Variants in RBFOX1 observed in about 807,000 individuals in gnomAD.
RBFOX1 encodes the protein RNA binding protein fox-1 homolog 1.
In RBFOX1, 8 loss-of-function variants were observed where a neutral mutation model predicts 57.7. The observed-to-expected ratio is 0.14, with a 90% CI of 0.08 to 0.25. The LOEUF (loss-of-function observed/expected upper bound fraction) is 0.25, where lower values mean the gene tolerates loss of function less well. RBFOX1 is among the 10% of genes least tolerant of loss of function. RBFOX1 has a pLI of 1.00. For synonymous variants in RBFOX1, 326 were observed against 222.4 expected (o/e 1.47, Z -4.15); for missense variants, 611 against 548.5 (o/e 1.11, Z -1.14).
chr16:7,636,275 A>G (rs1295401861), intron 11 of RBFOX1, among the ~76,000 whole-genome samples: 2 of 152,208 alleles, frequency 1.3e-5, no homozygotes, highest in Admixed American at 1.3e-4. Flanking sequence ...CTATTTTGCA[A>G]ATTGCATAGT....
chr16:6,500,089 TA>T (rs935679616), intron 2 of RBFOX1, among the ~76,000 whole-genome samples: 1 of 152,174 alleles, frequency 6.6e-6, no homozygotes, highest in Non-Finnish European at 1.5e-5. Flanking sequence ...TTCCTTTGGT[TA>T]AAAAACAAGT....
At chr16:6,875,490 T>G (rs2061675252) in intron 3 of RBFOX1, among the ~76,000 whole-genome samples, 1 of 152,164 alleles carries the variant, frequency 6.6e-6, no homozygotes, top group Non-Finnish European at 1.5e-5. Context: ...GAATCACCCT[T>G]AAGTGCAGTA....
intron 3 of RBFOX1, among the ~76,000 whole-genome samples, chr16:5,788,892 G>A (rs961824750): frequency 6.6e-6 from 1 of 152,104 alleles, no homozygotes; most frequent in African/African-American, 2.4e-5. Flanking sequence ...CCCCCATCCT[G>A]TTGCACCCCA....
chr16:5,887,401 A>ATTTG (rs1371677264), intron 4 of RBFOX1, among the ~76,000 whole-genome samples: 1 of 151,826 alleles, frequency 6.6e-6, no homozygotes, highest in Non-Finnish European at 1.5e-5. Flanking sequence ...CTCCTGTGTT[A>ATTTG]TTTGTTTGTT....
At chr16:5,240,313 T>A (rs577818205) in intron 1 of RBFOX1, among the ~76,000 whole-genome samples, 1 of 151,342 alleles carries the variant, frequency 6.6e-6, no homozygotes, top group East Asian at 2.0e-4. Context: ...ACTTCCTGAT[T>A]CTCCCACGAC....
At chr16:7,593,352 A>T (rs929079214) in intron 7 of RBFOX1, among the ~76,000 whole-genome samples, 1 of 152,174 alleles carries the variant, frequency 6.6e-6, no homozygotes, top group Non-Finnish European at 1.5e-5. Flanking sequence ...AAATAGAGCA[A>T]AATCCCCCTA....
intron 3 of RBFOX1, among the ~76,000 whole-genome samples, chr16:5,747,660 T>C (rs1453332860): frequency 6.6e-6 from 1 of 152,168 alleles, no homozygotes; most frequent in Non-Finnish European, 1.5e-5. Context: ...TTCTAGTTTT[T>C]TTGCGTAGAG....
intron 3 of RBFOX1, among the ~76,000 whole-genome samples, chr16:6,797,358 A>G (rs1282777571): frequency 6.6e-6 from 1 of 152,164 alleles, no homozygotes; most frequent in African/African-American, 2.4e-5. Context: ...ATTATGAAGC[A>G]GAGAGTGGAG....
chr16:6,892,966 A>G (rs2065883718), intron 3 of RBFOX1, among the ~76,000 whole-genome samples: 1 of 152,024 alleles, frequency 6.6e-6, no homozygotes, highest in Non-Finnish European at 1.5e-5. Context: ...TTTTGCCTTG[A>G]TCTAGTTTTA....
At chr16:6,374,701 T>C (rs1312247388) in intron 2 of RBFOX1, among the ~76,000 whole-genome samples, 1 of 152,220 alleles carries the variant, frequency 6.6e-6, no homozygotes, top group African/African-American at 2.4e-5. Flanking sequence ...CATTCAGCTA[T>C]AAGAACGAAG....
chr16:6,391,278 G>C (rs942470705), intron 2 of RBFOX1, among the ~76,000 whole-genome samples: 2 of 152,160 alleles, frequency 1.3e-5, no homozygotes, highest in African/African-American at 4.8e-5. Context: ...GGGAGGCCCA[G>C]GCGGGCCGAT....
chr16:7,569,296 T>C (rs1253491205), intron 5 of RBFOX1, among the ~76,000 whole-genome samples: 1 of 152,202 alleles, frequency 6.6e-6, no homozygotes, highest in Non-Finnish European at 1.5e-5. Context: ...TTACAAGGAT[T>C]GTAGCTGGCA....
At chr16:7,067,274 G>A (rs76025256) in intron 4 of RBFOX1, among the ~76,000 whole-genome samples, 3 of 149,972 alleles carry the variant, frequency 2.0e-5, no homozygotes, top group Non-Finnish European at 4.4e-5. Context: ...TGAAATCTGT[G>A]TTAGTTTTTT....
intron 5 of RBFOX1, among the ~76,000 whole-genome samples, chr16:7,538,577 T>A (rs569664747): frequency 1.3e-5 from 2 of 152,222 alleles, no homozygotes; most frequent in Non-Finnish European, 2.9e-5. Flanking sequence ...TAGAATGTTA[T>A]CTTGTAGGAG....
intron 3 of RBFOX1, among the ~76,000 whole-genome samples, chr16:7,026,648 C>G (rs1045843777): frequency 6.6e-6 from 1 of 152,172 alleles, no homozygotes; most frequent in African/African-American, 2.4e-5. Context: ...GGTCAGGATC[C>G]AGCTGAAACA....
At chr16:7,278,498 A>T (rs992301843) in intron 4 of RBFOX1, among the ~76,000 whole-genome samples, 3 of 152,188 alleles carry the variant, frequency 2.0e-5, no homozygotes, top group African/African-American at 7.2e-5. Context: ...GTCCAATATT[A>T]CCAGCATACC....
At chr16:7,134,158 G>A (rs2071276760) in intron 4 of RBFOX1, among the ~76,000 whole-genome samples, 1 of 152,068 alleles carries the variant, frequency 6.6e-6, no homozygotes. Context: ...CAGCAGAGAG[G>A]GGTGTAATGC....
intron 4 of RBFOX1, among the ~76,000 whole-genome samples, chr16:7,116,008 G>T (rs1190244457): frequency 6.6e-6 from 1 of 152,164 alleles, no homozygotes; most frequent in African/African-American, 2.4e-5. Flanking sequence ...TAACCATTGT[G>T]CCAGGCACTG....
At chr16:5,560,910 A>G (rs1422753741) in intron 2 of RBFOX1, among the ~76,000 whole-genome samples, 1 of 152,196 alleles carries the variant, frequency 6.6e-6, no homozygotes, top group Non-Finnish European at 1.5e-5. Flanking sequence ...TGTGCATTGC[A>G]GTATGGAGGC....
Sources: gnomAD v4.1 joint callset for allele counts (sites outside exome capture counted in the v4.1 genomes callset) on GRCh38, gnomAD v4.1.1 for gene constraint, MANE v1.5 for transcripts, NCBI Gene and HGNC (gene_info 2026-07-23, HGNC 2026-07-21) for gene names.